CRTAC1: variants seen among roughly 807,000 people sequenced by gnomAD.
CRTAC1 encodes acidic secreted protein in cartilage.
A neutral mutation model predicts 67.8 loss-of-function variants in CRTAC1; 37 were observed. The observed-to-expected ratio is 0.55, with a 90% CI of 0.42 to 0.72. CRTAC1 has a LOEUF of 0.72. CRTAC1 is among the 30% of genes least tolerant of loss of function. The probability of loss-of-function intolerance (pLI) is 0.00; values close to 1 mark genes in which losing one functional copy is unlikely to be tolerated. For synonymous variants in CRTAC1, 348 were observed against 371.0 expected (o/e 0.94, Z 0.71); for missense variants, 780 against 931.6 (o/e 0.84, Z 2.12).
Position 97,951,580 on chromosome 10 carries a change from T to G in CRTAC1, c.225-15214A>C, listed in dbSNP as rs183293487. 2.2e-3 allele frequency among the ~76,000 whole-genome samples: 341 copies of G among 152,340 alleles called. 2 individuals carry two copies. Among genetic ancestry groups the G allele is most frequent in the African/African-American group, 7.6e-3 (315 of 41,578 alleles). On this transcript the variant is annotated intron_variant, in intron 2 of 14. Coordinates refer to ENST00000370597, the MANE Select transcript of CRTAC1 (RefSeq NM_018058.7). ...ATAGAAAATGTTGTGTGTTAAGTAT[T>G]AATGAGAAAGTACCAAATTGTACCT...
intron 7 of CRTAC1, among the ~76,000 whole-genome samples, chr10:97,903,599 G>A (rs1386252744): frequency 6.6e-6 from 1 of 152,010 alleles, no homozygotes; most frequent in Non-Finnish European, 1.5e-5. Flanking sequence ...AGGTCCCTGG[G>A]GACTTCCCTG....
intron 14 of CRTAC1, among the ~76,000 whole-genome samples, chr10:97,874,861 C>T (rs1301225057): frequency 2.6e-5 from 4 of 152,190 alleles, no homozygotes; most frequent in East Asian, 1.9e-4. Context: ...CGGGCCTTCC[C>T]GGATGGCCTT....
intron 3 of CRTAC1, among the ~76,000 whole-genome samples, chr10:97,933,366 T>C (rs1260008819): frequency 6.6e-6 from 1 of 152,264 alleles, no homozygotes; most frequent in Non-Finnish European, 1.5e-5. Flanking sequence ...CTCGATCTCA[T>C]GAGCCCAGGG....
intron 2 of CRTAC1, among the ~76,000 whole-genome samples, chr10:97,953,444 C>A (rs1244559674): frequency 6.6e-6 from 1 of 152,050 alleles, no homozygotes; most frequent in Non-Finnish European, 1.5e-5. Context: ...TGATTTGTAG[C>A]CTCGATAAAT....
At chr10:97,879,858 G>GGA in intron 14 of CRTAC1, 2 of 645,816 alleles carry the variant, frequency 3.1e-6, no homozygotes, top group Non-Finnish European at 5.1e-6. Flanking sequence ...AGGGGGTGGG[G>GGA]ACGGGGTGGG....
intron 2 of CRTAC1, among the ~76,000 whole-genome samples, chr10:97,960,562 T>C (rs1044897090): frequency 6.6e-6 from 1 of 152,238 alleles, no homozygotes; most frequent in African/African-American, 2.4e-5. Flanking sequence ...TTCTCCCATC[T>C]ATGGTCTTGG....
At chr10:97,981,839 GTC>G (rs1230525701) in intron 2 of CRTAC1, among the ~76,000 whole-genome samples, 1 of 152,216 alleles carries the variant, frequency 6.6e-6, no homozygotes, top group Non-Finnish European at 1.5e-5. Context: ...AAAAACAAGA[GTC>G]TGATTTTATG....
intron 11 of CRTAC1, among the ~76,000 whole-genome samples, chr10:97,891,740 C>T (rs532008984): frequency 1.3e-5 from 2 of 152,232 alleles, no homozygotes; most frequent in Non-Finnish European, 2.9e-5. Flanking sequence ...CTGGCGCCCT[C>T]GCTCCTGCTC....
At chr10:97,979,388 A>C (rs1254255700) in intron 2 of CRTAC1, among the ~76,000 whole-genome samples, 3 of 152,172 alleles carry the variant, frequency 2.0e-5, no homozygotes, top group African/African-American at 7.2e-5. Flanking sequence ...GAACAAGAGA[A>C]TCCTTGTCTT....
intron 4 of CRTAC1, 64 bp downstream of exon 4, chr10:97,923,200 C>G (rs1347716668): frequency 6.3e-7 from 1 of 1,598,578 alleles, no homozygotes; most frequent in Non-Finnish European, 8.6e-7. Context: ...GACGTCTACA[C>G]AGTGGCTCCT....
intron 2 of CRTAC1, among the ~76,000 whole-genome samples, chr10:97,962,135 TG>T (rs2051536720): frequency 1.3e-5 from 2 of 152,216 alleles, no homozygotes; most frequent in Admixed American, 6.5e-5. Context: ...ATCCGGTGCC[TG>T]TCTGTGCATA....
At chr10:97,950,142 T>C (rs2051327739) in intron 2 of CRTAC1, among the ~76,000 whole-genome samples, 1 of 152,078 alleles carries the variant, frequency 6.6e-6, no homozygotes, top group African/African-American at 2.4e-5. Flanking sequence ...TCCTCATCTA[T>C]AAAGTGGGGC....
At chr10:98,015,292 A>G (rs1842974897) in intron 1 of CRTAC1, among the ~76,000 whole-genome samples, 2 of 152,210 alleles carry the variant, frequency 1.3e-5, no homozygotes, top group African/African-American at 4.8e-5. Context: ...AGGTGTCCAG[A>G]GTAGTCAGAT....
At position 97,904,865 on chromosome 10, in the gene CRTAC1, C is replaced by T. The variant is rs752049483; in HGVS notation, c.851-51G>A. 24 of 1,525,186 alleles carry T rather than the reference C, an allele frequency of 1.6e-5. No homozygotes were observed. In the East Asian group the frequency reaches 5.9e-4, roughly 38 times the overall value. The allele number at this position is 1,525,186 out of a possible 1,614,324, so 94.5% of individuals were successfully genotyped here. On this transcript the variant is annotated intron_variant, in intron 6 of 14. Transcript: ENST00000370597. ...AGGGCGGCATCCCCTGCACACTCCA[C>T]AAACACTCACCCTGCTCTAGCTCTG...
intron 5 of CRTAC1, among the ~76,000 whole-genome samples, chr10:97,915,003 C>T (rs768063365): frequency 6.6e-6 from 1 of 152,160 alleles, no homozygotes; most frequent in South Asian, 2.1e-4. Context: ...CCTCCCCTCC[C>T]CCTCCCGCAG....
At chr10:97,867,549 G>C (rs769372523) in intron 14 of CRTAC1, 2 of 152,328 alleles carry the variant, frequency 1.3e-5, no homozygotes, top group Non-Finnish European at 2.9e-5. Flanking sequence ...GTGAGTCCTG[G>C]TCCAAGGATC....
rs549935843 is a variant in CRTAC1 at position 97,960,763 on chromosome 10, AGAAAG to A, written c.225-24402_225-24398del. ...TCAACATATTCAATGTAAAATGTGTAGAAAGACTGTTAACTGCTTCGCTAAAACAA... is the reference window on the plus strand; with the variant it reads ...TCAACATATTCAATGTAAAATGTGTAACTGTTAACTGCTTCGCTAAAACAA... On this transcript the variant is annotated intron_variant, in intron 2 of 14. Coordinates refer to ENST00000370597, the MANE Select transcript of CRTAC1 (RefSeq NM_018058.7). Among the ~76,000 whole-genome samples, 66 of 152,350 alleles carry A rather than the reference AGAAAG, an allele frequency of 4.3e-4. No individual in the cohort carries two copies. In the South Asian group the frequency reaches 0.013, roughly 30 times the overall value.
At position 97,944,243 on chromosome 10, in the gene CRTAC1, C is replaced by G. The variant is rs187509887; in HGVS notation, c.225-7877G>C. On this transcript the variant is annotated intron_variant, in intron 2 of 14. Coordinates refer to ENST00000370597, the MANE Select transcript of CRTAC1 (RefSeq NM_018058.7). ...AGGAGTTCAAGACCAGCCTGGCCAA[C>G]ATGGTGAAACCCCATCTCTACTAAA... 4.1e-3 allele frequency among the ~76,000 whole-genome samples: 627 copies of G among 152,190 alleles called. 3 individuals are homozygous for G. Among genetic ancestry groups the G allele is most frequent in the African/African-American group, 0.014 (567 of 41,516 alleles).
chr10:97,902,102 G>A (rs76883108), intron 7 of CRTAC1, among the ~76,000 whole-genome samples: 2 of 152,326 alleles, frequency 1.3e-5, no homozygotes, highest in Non-Finnish European at 2.9e-5. Context: ...GAAGCTGGGT[G>A]GGCACCGGAA....
Sources: allele counts gnomAD v4.1 joint callset (sites outside exome capture counted in the v4.1 genomes callset), GRCh38; gene constraint gnomAD v4.1.1; transcripts MANE v1.5; gene names NCBI Gene and HGNC (gene_info 2026-07-23, HGNC 2026-07-21).